The following KIAA0825 variants were observed in gnomAD, a reference collection of about 807,000 sequenced individuals.
The protein encoded by KIAA0825 is KIAA0825, also known as uncharacterized protein KIAA0825.
Under a neutral mutation model 147.6 loss-of-function variants are expected in KIAA0825, and 119 were observed. The observed-to-expected ratio is 0.81, with a 90% confidence interval of 0.69 to 0.94. The LOEUF is 0.94. KIAA0825 is among the 40% of genes least tolerant of loss of function. The probability of loss-of-function intolerance (pLI) is 0.00; values close to 1 mark genes in which losing one functional copy is unlikely to be tolerated. For missense variants in KIAA0825, 1,381 were observed against 1,472.7 expected, an observed-to-expected ratio of 0.94 and a Z score of 1.02; for synonymous variants, 470 against 518.1, an observed-to-expected ratio of 0.91 and a Z score of 1.26.
intron 13 of KIAA0825, among the ~76,000 whole-genome samples, chr5:94,447,166 A>G (rs1452271421): frequency 6.6e-6 from 1 of 152,026 alleles, no homozygotes; most frequent in Non-Finnish European, 1.5e-5. Context: ...CCAGGTGTAA[A>G]TTTCAAGAAG....
At chr5:94,603,857 G>A (rs10065223) in intron 1 of KIAA0825, among the ~76,000 whole-genome samples, 176 of 152,244 alleles carry the variant, frequency 1.2e-3, no homozygotes, top group African/African-American at 3.9e-3. Context: ...TAAAGGGTTC[G>A]ATTCAATAAG....
chr5:94,442,106 G>A (rs1757155385), intron 13 of KIAA0825, among the ~76,000 whole-genome samples: 1 of 152,056 alleles, frequency 6.6e-6, no homozygotes. Flanking sequence ...TAAATGAGTA[G>A]GCAAACTTAT....
intron 2 of KIAA0825, among the ~76,000 whole-genome samples, chr5:94,546,421 G>A (rs569660117): frequency 2.6e-5 from 4 of 152,210 alleles, no homozygotes; most frequent in South Asian, 4.1e-4. Context: ...AAGACCCAGC[G>A]CTGTGCTGGC....
In KIAA0825 at chr5:94,171,672, A is replaced by G. The variant is rs894680303; in HGVS notation, c.3711-17548T>C. 5.3e-5 allele frequency among the ~76,000 whole-genome samples: 8 copies of G among 152,208 alleles called. No homozygotes were observed. The East Asian group carries it at 9.7e-4, about 18-fold the overall frequency. ...CTTTAAAAACTTTCTTGACCCATGC[A>G]TGTATTTTACTAATTATGGAGGTAT... On this transcript the variant is annotated intron_variant, in intron 20 of 20. Transcript: ENST00000682413.
intron 20 of KIAA0825, among the ~76,000 whole-genome samples, chr5:94,337,853 T>C (rs556641523): frequency 1.3e-5 from 2 of 152,352 alleles, no homozygotes; most frequent in African/African-American, 2.4e-5. Flanking sequence ...TCATTCTAAG[T>C]GCTTTTGAAG....
At position 94,427,995 on chromosome 5, in the gene KIAA0825, C is replaced by T. The variant is rs577212698; in HGVS notation, c.2498-10630G>A. Among the ~76,000 whole-genome samples the T allele has an allele frequency of 3.9e-5, 6 of 152,256 alleles. No individual in the cohort carries two copies. In the East Asian group the frequency reaches 1.2e-3, roughly 29 times the overall value. ...TTTTTTGCCGTTGTTGATTTAAAGTCTATCTTATCTGATATAAAAATAGTG... is the reference window on the plus strand; with the variant it reads ...TTTTTTGCCGTTGTTGATTTAAAGTTTATCTTATCTGATATAAAAATAGTG... On this transcript the variant is annotated intron_variant, in intron 14 of 20. Coordinates refer to ENST00000682413, the MANE Select transcript of KIAA0825 (RefSeq NM_001145678.3).
chr5:94,201,941 A>G (rs1771739922), intron 20 of KIAA0825, among the ~76,000 whole-genome samples: 1 of 152,212 alleles, frequency 6.6e-6, no homozygotes, highest in Non-Finnish European at 1.5e-5. Flanking sequence ...AAACTGACCT[A>G]TCAGGATTCT....
intron 20 of KIAA0825, among the ~76,000 whole-genome samples, chr5:94,381,829 G>A (rs1054175100): frequency 1.3e-5 from 2 of 152,130 alleles, no homozygotes; most frequent in Non-Finnish European, 2.9e-5. Context: ...GGGGGTGAGG[G>A]AGGTCTAGTG....
intron 20 of KIAA0825, among the ~76,000 whole-genome samples, chr5:94,380,007 C>T (rs1748162951): frequency 6.6e-6 from 1 of 151,868 alleles, no homozygotes; most frequent in Non-Finnish European, 1.5e-5. Context: ...GTGCCTACCA[C>T]CACGCCCGGC....
chr5:94,554,858 G>A (rs1042973194), intron 2 of KIAA0825, among the ~76,000 whole-genome samples: 1 of 149,696 alleles, frequency 6.7e-6, no homozygotes, highest in African/African-American at 2.5e-5. Flanking sequence ...ACTTGTCCAA[G>A]GTCACTTAGA....
chr5:94,340,704 T>C (rs1782283284), intron 20 of KIAA0825, among the ~76,000 whole-genome samples: 1 of 147,596 alleles, frequency 6.8e-6, no homozygotes, highest in African/African-American at 2.4e-5. Context: ...ATGATACATA[T>C]GTTAGCTACT....
chr5:94,330,938 C>T (rs555804042), intron 20 of KIAA0825, among the ~76,000 whole-genome samples: 2 of 151,966 alleles, frequency 1.3e-5, no homozygotes, highest in Non-Finnish European at 2.9e-5. Context: ...AGTTCAAGAA[C>T]ACCCTGGCCA....
chr5:94,400,401 T>C (rs1235293202), intron 16 of KIAA0825, among the ~76,000 whole-genome samples: 1 of 152,166 alleles, frequency 6.6e-6, no homozygotes, highest in Non-Finnish European at 1.5e-5. Context: ...TTTTATACAC[T>C]ATACTAATGA....
chr5:94,405,176 C>T (rs1262891958), intron 15 of KIAA0825, among the ~76,000 whole-genome samples: 1 of 152,164 alleles, frequency 6.6e-6, no homozygotes, highest in Admixed American at 6.5e-5. Flanking sequence ...CACTAAGCTA[C>T]TAATTGCTTA....
At chr5:94,393,849 C>CT (rs34735109) in intron 17 of KIAA0825, among the ~76,000 whole-genome samples, 6,468 of 139,068 alleles carry the variant, frequency 0.047, 172 homozygotes, top group East Asian at 0.11. Context: ...AAGAAACACT[C>CT]TTTTTTTTTT....
At chr5:94,535,570 G>A (rs1233412182) in intron 3 of KIAA0825, among the ~76,000 whole-genome samples, 1 of 150,434 alleles carries the variant, frequency 6.6e-6, no homozygotes, top group Admixed American at 6.6e-5. Flanking sequence ...CTATTCCTCG[G>A]AAGACTAGAT....
At chr5:94,494,528 ACTTAGATATG>A (rs895888912) in intron 5 of KIAA0825, among the ~76,000 whole-genome samples, 6 of 152,126 alleles carry the variant, frequency 3.9e-5, no homozygotes, top group African/African-American at 1.4e-4. Context: ...AGTTGTAAAT[ACTTAGATATG>A]CTTAGATATG....
At chr5:94,332,602 A>G (rs1175836552) in intron 20 of KIAA0825, among the ~76,000 whole-genome samples, 1 of 151,926 alleles carries the variant, frequency 6.6e-6, no homozygotes, top group Non-Finnish European at 1.5e-5. Flanking sequence ...TATGTGCCAC[A>G]TTTTCTTTAC....
At chr5:94,216,697 A>G (rs887676709) in intron 20 of KIAA0825, among the ~76,000 whole-genome samples, 9 of 152,202 alleles carry the variant, frequency 5.9e-5, no homozygotes, top group Admixed American at 2.0e-4. Flanking sequence ...AAGATTCACA[A>G]GAATTGTCTC....
Sources: gnomAD v4.1 joint callset for allele counts (sites outside exome capture counted in the v4.1 genomes callset) on GRCh38, gnomAD v4.1.1 for gene constraint, MANE v1.5 for transcripts, NCBI Gene and HGNC (gene_info 2026-07-23, HGNC 2026-07-21) for gene names.